The following NAA11 variants were observed in gnomAD, a reference collection of about 807,000 sequenced individuals.
NAA11 encodes N-alpha-acetyltransferase 11.
In NAA11, 15 loss-of-function variants were observed where a neutral mutation model predicts 16.1. The observed-to-expected ratio is 0.93, with a 90% confidence interval of 0.62 to 1.44. The LOEUF (loss-of-function observed/expected upper bound fraction) is 1.44. Among genes scored for constraint, NAA11 ranks in the 40% most tolerant of loss-of-function variants. The pLI, the probability that NAA11 is intolerant of heterozygous loss-of-function variation, is 0.00. For synonymous variants in NAA11, 122 were observed against 112.4 expected (o/e 1.09, Z -0.54); for missense variants, 298 against 291.3 (o/e 1.02, Z -0.17).
chr4:79,189,180 G>A, the NAA11 span, among the ~76,000 whole-genome samples: 3 of 80,440 alleles, frequency 3.7e-5, no homozygotes, highest in African/African-American at 1.0e-4. Context: ...GAAGGAGGCA[G>A]AGATATTTCA....
At chr4:79,173,424 A>G in the NAA11 span, among the ~76,000 whole-genome samples, 1 of 152,134 alleles carries the variant, frequency 6.6e-6, no homozygotes, top group Admixed American at 6.6e-5. Context: ...TAGATTGGTA[A>G]CCTTCACAAG....
At chr4:79,191,935 G>A in the NAA11 span, among the ~76,000 whole-genome samples, 1 of 152,184 alleles carries the variant, frequency 6.6e-6, no homozygotes, top group Non-Finnish European at 1.5e-5. Flanking sequence ...TTATTGAACA[G>A]AGAGTCTTTA....
chr4:79,324,180 T>C (rs1724186489), intron 1 of NAA11, among the ~76,000 whole-genome samples: 2 of 152,196 alleles, frequency 1.3e-5, no homozygotes, highest in Non-Finnish European at 2.9e-5. Flanking sequence ...TCTTCTTTTT[T>C]TGCTGGATTA....
At chr4:79,237,840 G>T (rs531268144) in intron 2 of NAA11, among the ~76,000 whole-genome samples, 3 of 152,146 alleles carry the variant, frequency 2.0e-5, no homozygotes, top group Non-Finnish European at 4.4e-5. Context: ...ATGTGATCCC[G>T]TAATTTGTAT....
chr4:79,257,562 C>A (rs1722146283), intron 2 of NAA11, among the ~76,000 whole-genome samples: 1 of 151,974 alleles, frequency 6.6e-6, no homozygotes, highest in Admixed American at 6.5e-5. Flanking sequence ...GAACCATTTT[C>A]TTTCATTTCT....
the NAA11 span, among the ~76,000 whole-genome samples, chr4:79,193,534 G>A: frequency 6.6e-6 from 1 of 152,088 alleles, no homozygotes; most frequent in Non-Finnish European, 1.5e-5. Flanking sequence ...TCAGATAGTT[G>A]TAGATATGCA....
At chr4:79,189,145 C>CAAAAAA in the NAA11 span, among the ~76,000 whole-genome samples, 96 of 42,286 alleles carry the variant, frequency 2.3e-3, 14 homozygotes, top group African/African-American at 5.5e-3. Context: ...GACTCCATCT[C>CAAAAAA]AAAAAAAAAA....
At chr4:79,315,336 T>TCC (rs1723896204), downstream of NAA11, among the ~76,000 whole-genome samples, 1 of 152,164 alleles carries the variant, frequency 6.6e-6, no homozygotes, top group Non-Finnish European at 1.5e-5. Context: ...CCAGTACTAT[T>TCC]CCCCATTTCT....
intron 2 of NAA11, among the ~76,000 whole-genome samples, chr4:79,232,381 GTTGTGGCA>G (rs1721487015): frequency 6.6e-6 from 1 of 151,772 alleles, no homozygotes; most frequent in African/African-American, 2.4e-5. Flanking sequence ...TTTCTAAAAT[GTTGTGGCA>G]TGGCATTGAA....
chr4:79,265,391 C>G (rs1722322097), intron 2 of NAA11, among the ~76,000 whole-genome samples: 1 of 152,200 alleles, frequency 6.6e-6, no homozygotes, highest in South Asian at 2.1e-4. Flanking sequence ...AGTTAGTCCT[C>G]TGTTCAAAAC....
At chr4:79,206,539 C>T in the NAA11 span, among the ~76,000 whole-genome samples, 2 of 152,096 alleles carry the variant, frequency 1.3e-5, no homozygotes, top group African/African-American at 4.8e-5. Context: ...CCCTGGCATG[C>T]TTATACTAGT....
the NAA11 span, among the ~76,000 whole-genome samples, chr4:79,157,559 GTATA>G: frequency 6.6e-6 from 1 of 150,902 alleles, no homozygotes; most frequent in Admixed American, 6.6e-5. Context: ...GTACACATAT[GTATA>G]TGTATGTATA....
At chr4:79,194,013 T>C in the NAA11 span, among the ~76,000 whole-genome samples, 3 of 152,218 alleles carry the variant, frequency 2.0e-5, no homozygotes, top group Non-Finnish European at 4.4e-5. Context: ...TCACTCATGA[T>C]TTGGCTCTCT....
chr4:79,173,608 G>T, the NAA11 span, among the ~76,000 whole-genome samples: 1 of 151,936 alleles, frequency 6.6e-6, no homozygotes, highest in Non-Finnish European at 1.5e-5. Flanking sequence ...AACCACCTGG[G>T]AAAACTTCAC....
chr4:79,218,582 C>T, the NAA11 span, among the ~76,000 whole-genome samples: 2 of 151,988 alleles, frequency 1.3e-5, no homozygotes, highest in Admixed American at 6.6e-5. Flanking sequence ...TACTTTATTA[C>T]CTATCAGGAG....
At chr4:79,208,925 C>CAAAAAAAAAAAAA in the NAA11 span, among the ~76,000 whole-genome samples, 1 of 53,968 alleles carries the variant, frequency 1.9e-5, no homozygotes, top group Non-Finnish European at 3.6e-5. Context: ...ATATAACTGC[C>CAAAAAAAAAAAAA]AAAAAAAAAA....
downstream of NAA11, among the ~76,000 whole-genome samples, chr4:79,314,861 TATA>T (rs1723881351): frequency 6.6e-6 from 1 of 152,074 alleles, no homozygotes; most frequent in East Asian, 1.9e-4. Flanking sequence ...TCCTAATAGA[TATA>T]ATATTATCAA....
At chr4:79,223,244 C>A (rs1337479765), downstream of NAA11, among the ~76,000 whole-genome samples, 7 of 147,526 alleles carry the variant, frequency 4.7e-5, no homozygotes, top group Non-Finnish European at 9.0e-5. Context: ...TGGAACCAAC[C>A]CAAATGTCCA....
chr4:79,277,390 G>C (rs1166538298), intron 2 of NAA11, among the ~76,000 whole-genome samples: 1 of 151,992 alleles, frequency 6.6e-6, no homozygotes, highest in Non-Finnish European at 1.5e-5. Flanking sequence ...ACCTTATCCA[G>C]AGAAGCTTCT....
Sources: allele counts gnomAD v4.1 joint callset (sites outside exome capture counted in the v4.1 genomes callset), GRCh38; gene constraint gnomAD v4.1.1; transcripts MANE v1.5; gene names NCBI Gene and HGNC (gene_info 2026-07-23, HGNC 2026-07-21).